SGK3: variants seen among roughly 807,000 people sequenced by gnomAD.
SGK3 encodes serine/threonine-protein kinase Sgk3.
A neutral mutation model predicts 68.5 loss-of-function variants in SGK3; 47 were observed. That is an observed-to-expected ratio of 0.69 (90% CI 0.54 to 0.87). SGK3 has a LOEUF of 0.87. Among genes scored for constraint, SGK3 ranks in the 40% least tolerant of loss-of-function variants. The pLI, the probability that SGK3 is intolerant of heterozygous loss-of-function variation, is 0.00. For missense variants in SGK3, 479 were observed against 575.5 expected (o/e 0.83, Z 1.72); for synonymous variants, 181 against 189.1 (o/e 0.96, Z 0.35).
At chr8:66,772,872 G>T (rs1806560059) in intron 1 of SGK3, among the ~76,000 whole-genome samples, 1 of 152,090 alleles carries the variant, frequency 6.6e-6, no homozygotes, top group South Asian at 2.1e-4. Flanking sequence ...GCCTGCCTCG[G>T]CCTCCCAAAG....
At chr8:66,818,764 A>G (rs1473482650) in intron 5 of SGK3, among the ~76,000 whole-genome samples, 1 of 152,252 alleles carries the variant, frequency 6.6e-6, no homozygotes, top group Non-Finnish European at 1.5e-5. Context: ...CCATTGCTGT[A>G]TAATGTTCCA....
At chr8:66,732,818 G>A (rs922294941) in intron 1 of SGK3, among the ~76,000 whole-genome samples, 3 of 151,934 alleles carry the variant, frequency 2.0e-5, no homozygotes, top group South Asian at 2.1e-4. Flanking sequence ...GCACTCCAGC[G>A]TGGGCAACAG....
intron 1 of SGK3, among the ~76,000 whole-genome samples, chr8:66,768,474 T>C (rs2130481921): frequency 6.6e-6 from 1 of 152,268 alleles, no homozygotes. Flanking sequence ...ATCTTTGATT[T>C]TGAAGGATAT....
intron 16 of SGK3, among the ~76,000 whole-genome samples, chr8:66,852,725 A>G (rs1419647979): frequency 6.6e-6 from 1 of 152,212 alleles, no homozygotes; most frequent in East Asian, 1.9e-4. Context: ...ACCTACATAC[A>G]TAATATTTGT....
At position 66,763,250 on chromosome 8, in the gene SGK3, C is replaced by T. The variant is rs778079056; in HGVS notation, c.-121-30366C>T. Among the ~76,000 whole-genome samples, 3 of 152,246 alleles carry T rather than the reference C, an allele frequency of 2.0e-5. No homozygotes were observed. The South Asian group carries it at 6.2e-4, about 32-fold the overall frequency. On this transcript the variant is annotated intron_variant, in intron 1 of 16. Coordinates refer to ENST00000521198, the MANE Select transcript of SGK3 (RefSeq NM_001033578.3). ...TTCCTTATGGTTATCGAAAGGTAAA[C>T]CATGAGGTTTGTTTTCTATTTTTTA... is the stretch of plus-strand genomic sequence containing the variant.
intron 1 of SGK3, among the ~76,000 whole-genome samples, chr8:66,770,686 ATGT>A (rs1328369121): frequency 6.6e-6 from 1 of 152,082 alleles, no homozygotes; most frequent in Non-Finnish European, 1.5e-5. Context: ...ATGCTTTCAT[ATGT>A]TTTTTTCTTT....
intron 8 of SGK3, among the ~76,000 whole-genome samples, chr8:66,835,295 A>T (rs772137326): frequency 6.6e-6 from 1 of 152,234 alleles, no homozygotes; most frequent in Non-Finnish European, 1.5e-5. Flanking sequence ...CCAGCCCACT[A>T]TAGAAATCCA....
At chr8:66,852,638 G>T (rs190583642) in intron 16 of SGK3, among the ~76,000 whole-genome samples, 3 of 152,186 alleles carry the variant, frequency 2.0e-5, no homozygotes, top group Non-Finnish European at 2.9e-5. Flanking sequence ...TTATTTAATA[G>T]TCTATCAGGC....
intron 1 of SGK3, among the ~76,000 whole-genome samples, chr8:66,770,794 C>T (rs1242852426): frequency 6.6e-5 from 10 of 152,154 alleles, no homozygotes; most frequent in Non-Finnish European, 1.5e-4. Context: ...GTTCTCTGTG[C>T]ACTTAACTTC....
chr8:66,768,638 C>T (rs1447014110), intron 1 of SGK3, among the ~76,000 whole-genome samples: 1 of 152,172 alleles, frequency 6.6e-6, no homozygotes, highest in African/African-American at 2.4e-5. Context: ...CATCTCAGCT[C>T]ACTGCAACCT....
At chr8:66,782,041 A>G (rs971747027) in intron 1 of SGK3, among the ~76,000 whole-genome samples, 2 of 152,236 alleles carry the variant, frequency 1.3e-5, no homozygotes, top group Admixed American at 6.5e-5. Flanking sequence ...GATGTGACAA[A>G]GATGTCCTTT....
chr8:66,804,234 T>C, intron 3 of SGK3, 141 bp from the exon 4 acceptor site: 1 of 678,664 alleles, frequency 1.5e-6, no homozygotes, highest in Non-Finnish European at 2.3e-6. Context: ...ATAATTTATG[T>C]TATACTTTGG....
intron 15 of SGK3, among the ~76,000 whole-genome samples, chr8:66,847,699 A>C (rs528723619): frequency 6.6e-6 from 1 of 152,240 alleles, no homozygotes; most frequent in Non-Finnish European, 1.5e-5. Context: ...ATTGCTAAAT[A>C]ATACTAACAT....
chr8:66,777,591 C>T (rs1410396144), intron 1 of SGK3, among the ~76,000 whole-genome samples: 1 of 152,204 alleles, frequency 6.6e-6, no homozygotes, highest in Non-Finnish European at 1.5e-5. Flanking sequence ...TTTCATCTGT[C>T]ATTTTTGTTG....
At chr8:66,773,351 G>A (rs1806578388) in intron 1 of SGK3, among the ~76,000 whole-genome samples, 1 of 152,184 alleles carries the variant, frequency 6.6e-6, no homozygotes, top group South Asian at 2.1e-4. Flanking sequence ...CGTGAGGACT[G>A]AGAGGGAAGA....
intron 1 of SGK3, among the ~76,000 whole-genome samples, chr8:66,726,801 TAAA>T (rs560794837): frequency 5.2e-4 from 42 of 80,964 alleles, no homozygotes; most frequent in Admixed American, 1.4e-3. Flanking sequence ...ACCCTGTCTG[TAAA>T]AAAAAAAAAA....
At chr8:66,789,115 T>A (rs910460191) in intron 1 of SGK3, among the ~76,000 whole-genome samples, 9 of 150,344 alleles carry the variant, frequency 6.0e-5, no homozygotes, top group Non-Finnish European at 8.8e-5. Context: ...TTATGCTAAT[T>A]TTATTCAGAA....
In SGK3 at chr8:66,736,334, G is replaced by A. The variant is rs78150471; in HGVS notation, c.-122+23501G>A. Among the ~76,000 whole-genome samples, 255 of 152,158 alleles carry A rather than the reference G, an allele frequency of 1.7e-3. 3 individuals carry two copies. The East Asian group carries it at 0.038, about 23-fold the overall frequency. On this transcript the variant is annotated intron_variant, in intron 1 of 16. Transcript: ENST00000521198. ...CAATTACTTACATAACATATACATT[G>A]TATTAGGTATTTTAAGTCATCTAGA... is the stretch of plus-strand genomic sequence containing the variant.
At chr8:66,794,649 T>G (rs73691597) in intron 2 of SGK3, among the ~76,000 whole-genome samples, 8,274 of 152,256 alleles carry the variant, frequency 0.054, 309 homozygotes, top group African/African-American at 0.11. Flanking sequence ...TTAGCCTCTC[T>G]TACTTCTACT....
Sources: gnomAD v4.1 joint callset for allele counts (sites outside exome capture counted in the v4.1 genomes callset) on GRCh38, gnomAD v4.1.1 for gene constraint, MANE v1.5 for transcripts, NCBI Gene and HGNC (gene_info 2026-07-23, HGNC 2026-07-21) for gene names.